FGF20: variants seen among roughly 807,000 people sequenced by gnomAD.
The protein encoded by FGF20 is fibroblast growth factor 20.
FGF20 carries 8 observed loss-of-function variants against 16.7 expected under a neutral mutation model. The observed-to-expected ratio is 0.48, with a 90% confidence interval of 0.28 to 0.87. The LOEUF (loss-of-function observed/expected upper bound fraction) is 0.87. Ranked by LOEUF, FGF20 falls within the 40% of genes least tolerant of loss-of-function variation. The pLI, the probability that FGF20 is intolerant of heterozygous loss-of-function variation, is 0.10. For synonymous variants in FGF20, 161 were observed against 118.6 expected (o/e 1.36, Z -2.32); for missense variants, 397 against 281.4 (o/e 1.41, Z -2.94).
At chr8:17,001,680 C>T in intron 1 of FGF20, 67 bp downstream of exon 1, 1 of 1,464,322 alleles carries the variant, frequency 6.8e-7, no homozygotes, top group Non-Finnish European at 9.0e-7. Context: ...GAGGGAGGTG[C>T]AAGGGGAGGG....
Position 17,002,150 on chromosome 8 carries a change from C to T in FGF20, c.-118G>A, listed in dbSNP as rs144467487. On this transcript the variant is annotated 5_prime_UTR_variant, in exon 1 of 3. Transcript: ENST00000180166. ...AGCGCAAAAAGTTAAGGCCCGGTTA[C>T]TCCTCTGAGGTCGCTCCGGAGGGAC... The T allele has an allele frequency of 2.7e-6, 3 of 1,095,414 alleles. No individual in the cohort carries two copies. The highest frequency in any genetic ancestry group is 3.3e-5 in the African/African-American group (2 of 60,052). The allele number at this position is 1,095,414 out of a possible 1,614,324, so 67.9% of individuals were successfully genotyped here.
chr8:16,994,138 A>C (rs1040015413), intron 2 of FGF20, among the ~76,000 whole-genome samples: 10 of 152,138 alleles, frequency 6.6e-5, no homozygotes, highest in African/African-American at 2.4e-4. Context: ...GTCCCATATC[A>C]TCACCCTACT....
chr8:16,998,431 T>C (rs991020416), intron 1 of FGF20, among the ~76,000 whole-genome samples: 1 of 152,002 alleles, frequency 6.6e-6, no homozygotes, highest in African/African-American at 2.4e-5. Flanking sequence ...TAATTTGTAA[T>C]CATTTGATTC....
In FGF20 at chr8:16,992,630, G is replaced by A. The variant is rs1331986908; in HGVS notation, c.*442C>T. On this transcript the variant is annotated 3_prime_UTR_variant, in exon 3 of 3. Transcript: ENST00000180166. ...TTTTTTTTTTCTTAAAACATATAAT[G>A]CCATAACCTGTGAATTCTACAAGGT... 2.6e-5 allele frequency: 4 copies of A among 151,574 alleles called. No homozygotes were observed. In the Admixed American group the frequency reaches 2.6e-4, roughly 10 times the overall value. 9.4% of individuals were successfully genotyped at this position (151,574 alleles called of 1,614,324 possible).
chr8:17,001,041 C>T (rs1458148489), intron 1 of FGF20, among the ~76,000 whole-genome samples: 5 of 149,550 alleles, frequency 3.3e-5, no homozygotes, highest in Non-Finnish European at 7.4e-5. Context: ...TCCTCCTCCC[C>T]CACCCCTCCC....
chr8:16,997,827 C>T (rs959285454), intron 1 of FGF20, among the ~76,000 whole-genome samples: 2 of 152,112 alleles, frequency 1.3e-5, no homozygotes, highest in African/African-American at 4.8e-5. Context: ...AGGCCCAAAA[C>T]ATAATTGGTA....
In FGF20 at chr8:16,993,085, A is replaced by G. The variant is rs1365472443; in HGVS notation, c.623T>C (p.Leu208Pro). Residue 208 changes from leucine (L) to proline (P), a missense_variant, in exon 3 of 3, where the codon CTG becomes CCG. Transcript: ENST00000180166. ...CACTATCGCACTTCAAGTGTACATC[A>G]GTAGGTCCTTGTACAATTCTGGAAC... ...ERVPELYKDL[L>P]MYT 4 of 1,613,924 alleles carry G rather than the reference A, an allele frequency of 2.5e-6. No individual in the cohort carries two copies. The highest frequency in any genetic ancestry group is 2.2e-5 in the South Asian group (2 of 91,074).
Position 16,996,949 on chromosome 8 carries a change from G to T in FGF20, c.287-1191C>A, listed in dbSNP as rs187999988. The stretch of plus-strand genomic sequence containing the variant: ...CAAGACTTTTTGGATTATATAACAT[G>T]CTATGTTTCCTGCTGTGTAATTTTT... On this transcript the variant is annotated intron_variant, in intron 1 of 2. Coordinates refer to ENST00000180166, the MANE Select transcript of FGF20 (RefSeq NM_019851.3). 1.6e-4 allele frequency among the ~76,000 whole-genome samples: 24 copies of T among 152,274 alleles called. 1 individual carries two copies. The South Asian group carries it at 5.0e-3, about 32-fold the overall frequency.
At position 16,999,518 on chromosome 8, in the gene FGF20, C is replaced by CTTT. The variant is rs370808443; in HGVS notation, c.286+2226_286+2228dup. Reference sequence around the variant, plus strand: ...AGATTACAGTTTAATTACAAGTTTCCTTTTTTTTTTTTTTTTTTTTTTGAG... The same window carrying CTTT: ...AGATTACAGTTTAATTACAAGTTTCCTTTTTTTTTTTTTTTTTTTTTTTTTGAG... On this transcript the variant is annotated intron_variant, in intron 1 of 2. Coordinates refer to ENST00000180166, the MANE Select transcript of FGF20 (RefSeq NM_019851.3). Among the ~76,000 whole-genome samples the CTTT allele has an allele frequency of 8.4e-3, 720 of 85,772 alleles. 15 individuals carry two copies. The highest frequency in any genetic ancestry group is 0.011 in the African/African-American group (245 of 21,600). 56.3% of individuals were successfully genotyped at this position (85,772 alleles called of 152,430 possible).
chr8:16,992,424 G>T lies in FGF20; in HGVS notation c.*648C>A, dbSNP rs968892541. ...GTAATGGCACAATAACGGAAGTTTTGTTGTTTTTTACTCTTTGTATTATCT... is the reference window on the plus strand; with the variant it reads ...GTAATGGCACAATAACGGAAGTTTTTTTGTTTTTTACTCTTTGTATTATCT... On this transcript the variant is annotated 3_prime_UTR_variant, in exon 3 of 3. Coordinates refer to ENST00000180166, the MANE Select transcript of FGF20 (RefSeq NM_019851.3). 6.6e-6 allele frequency: 1 copy of T among 151,766 alleles called. No individual in the cohort carries two copies. Among genetic ancestry groups the T allele is most frequent in the Non-Finnish European group, 1.5e-5 (1 of 67,912 alleles). The allele number at this position is 151,766 out of a possible 1,614,324, so 9.4% of individuals were successfully genotyped here.
chr8:17,001,694 G>C (rs902241171), intron 1 of FGF20, 53 bp downstream of exon 1: 4 of 1,503,244 alleles, frequency 2.7e-6, no homozygotes, highest in Admixed American at 2.2e-5. Context: ...GGGAGGGAAC[G>C]AGGAGCCGAG....
At chr8:16,998,199 T>G (rs1810101019) in intron 1 of FGF20, among the ~76,000 whole-genome samples, 2 of 152,194 alleles carry the variant, frequency 1.3e-5, no homozygotes, top group Admixed American at 1.3e-4. Context: ...AATATGTAGC[T>G]GTAGAAAGAC....
At chr8:16,999,747 G>A (rs1475312948) in intron 1 of FGF20, among the ~76,000 whole-genome samples, 4 of 148,380 alleles carry the variant, frequency 2.7e-5, no homozygotes, top group African/African-American at 1.0e-4. Flanking sequence ...CACTATCTTG[G>A]CCAGGCTGGT....
intron 1 of FGF20, among the ~76,000 whole-genome samples, chr8:16,999,460 G>C (rs1810131440): frequency 6.7e-6 from 1 of 148,326 alleles, no homozygotes; most frequent in Admixed American, 6.7e-5. Flanking sequence ...CATACACAAA[G>C]TAAAAGAGGC....
Position 17,002,318 on chromosome 8 carries a change from C to A in FGF20, c.-286G>T. 2.7e-6 allele frequency: 1 copy of A among 367,780 alleles called. No homozygotes were observed. The highest frequency in any genetic ancestry group is 4.8e-6 in the Non-Finnish European group (1 of 209,014). The allele number at this position is 367,780 out of a possible 1,614,324, so 22.8% of individuals were successfully genotyped here. A position where few individuals can be genotyped will look rare whatever the true frequency, so the allele number is the denominator to read the frequency against. ...GGACTAGGGCTGTTGGCTGGGGCTCCAATTCCGCAAACTGATCAGATCAGA... is the reference window on the plus strand; with the variant it reads ...GGACTAGGGCTGTTGGCTGGGGCTCAAATTCCGCAAACTGATCAGATCAGA... On this transcript the variant is annotated 5_prime_UTR_variant, in exon 1 of 3. Coordinates refer to ENST00000180166, the MANE Select transcript of FGF20 (RefSeq NM_019851.3).
chr8:16,994,458 A>G (rs114002081), intron 2 of FGF20, among the ~76,000 whole-genome samples: 1 of 122,918 alleles, frequency 8.1e-6, no homozygotes, highest in African/African-American at 2.9e-5. Context: ...CAAAATACAC[A>G]TGAAGATTGT....
chr8:16,994,250 G>A (rs1005369617), intron 2 of FGF20, among the ~76,000 whole-genome samples: 1 of 152,116 alleles, frequency 6.6e-6, no homozygotes, highest in Non-Finnish European at 1.5e-5. Flanking sequence ...AGCATTTCAA[G>A]ATCTTGCTAA....
rs543276316 is a variant in FGF20 at position 17,000,180 on chromosome 8, A to G, written c.286+1567T>C. On this transcript the variant is annotated intron_variant, in intron 1 of 2. Coordinates refer to ENST00000180166, the MANE Select transcript of FGF20 (RefSeq NM_019851.3). ...AGTTAGAAAATCTCAAGCCTCCTCA[A>G]TTTAAAAACCACTTTCTAAAAGTGA... 7.9e-4 allele frequency among the ~76,000 whole-genome samples: 120 copies of G among 152,238 alleles called. 1 individual carries two copies. The highest frequency in any genetic ancestry group is 2.8e-3 in the African/African-American group (117 of 41,566).
chr8:16,993,844 T>C lies in FGF20; in HGVS notation c.391-527A>G, dbSNP rs1438216108. Among the ~76,000 whole-genome samples the C allele has an allele frequency of 1.1e-4, 16 of 152,240 alleles. 1 individual carries two copies. In the South Asian group the frequency reaches 3.3e-3, roughly 32 times the overall value. On this transcript the variant is annotated intron_variant, in intron 2 of 2. Coordinates refer to ENST00000180166, the MANE Select transcript of FGF20 (RefSeq NM_019851.3). The stretch of plus-strand genomic sequence containing the variant: ...GATCCCTCGCATGCACAGTTCACAA[T>C]AGGGTTCATGCTCCTATGAGAATTT...
Sources: gnomAD v4.1 joint callset for allele counts (sites outside exome capture counted in the v4.1 genomes callset) on GRCh38, gnomAD v4.1.1 for gene constraint, MANE v1.5 for transcripts, NCBI Gene and HGNC (gene_info 2026-07-23, HGNC 2026-07-21) for gene names.